Variants in LDAH observed in about 807,000 individuals in gnomAD.
LDAH encodes lipid droplet associated hydrolase.
In LDAH, 26 loss-of-function variants were observed where a neutral mutation model predicts 29.6. The ratio of observed to expected loss-of-function variants is 0.88; its 90% CI spans 0.64 to 1.22. LDAH has a LOEUF of 1.22. Ranked by LOEUF, LDAH falls within the 50% of genes most tolerant of loss-of-function variation. The pLI is 0.00. For missense variants in LDAH, 344 were observed against 387.3 expected, an observed-to-expected ratio of 0.89 and a Z score of 0.94; for synonymous variants, 117 against 133.0, an observed-to-expected ratio of 0.88 and a Z score of 0.83.
intron 1 of LDAH, among the ~76,000 whole-genome samples, chr2:20,816,946 T>C (rs1331351975): frequency 1.3e-5 from 2 of 151,942 alleles, no homozygotes; most frequent in African/African-American, 2.4e-5. Flanking sequence ...GGAAACTAAA[T>C]GACACACTCC....
intron 3 of LDAH, among the ~76,000 whole-genome samples, chr2:20,784,450 G>A (rs2125052276): frequency 6.6e-6 from 1 of 152,002 alleles, no homozygotes; most frequent in South Asian, 2.1e-4. Flanking sequence ...TGAATTAATA[G>A]CTATCATATT....
rs1662576781 is a variant in LDAH, at chr2:20,686,680, G to A, written c.*223C>T. 1 of 418,618 alleles carries A rather than the reference G, an allele frequency of 2.4e-6. No individual in the cohort carries two copies. Among genetic ancestry groups the A allele is most frequent in the African/African-American group, 2.0e-5 (1 of 49,224 alleles). The allele number at this position is 418,618 out of a possible 1,614,324, so 25.9% of individuals were successfully genotyped here. A position where few individuals can be genotyped will look rare whatever the true frequency, so the allele number is the denominator to read the frequency against. On this transcript the variant is annotated 3_prime_UTR_variant, in exon 7 of 7. Transcript: ENST00000237822. ...CACAAGACTCTGTGTAGATCACTGT[G>A]TTCCCTGAGTCTTGGAAAATGTATG...
At chr2:20,695,941 C>T (rs965008195) in intron 6 of LDAH, among the ~76,000 whole-genome samples, 1 of 152,102 alleles carries the variant, frequency 6.6e-6, no homozygotes, top group Non-Finnish European at 1.5e-5. Flanking sequence ...TCTGGGAGCC[C>T]AGCTCTCCAG....
rs1246798219 is a variant in LDAH at position 20,685,198 on chromosome 2, C to T, written c.*1705G>A. Reference sequence around the variant, plus strand: ...TGCAGACTTTTGAAATATGGAGTAACATTTAAAATAACAGATAAAAGAAAA... The same window carrying T: ...TGCAGACTTTTGAAATATGGAGTAATATTTAAAATAACAGATAAAAGAAAA... On this transcript the variant is annotated 3_prime_UTR_variant, in exon 7 of 7. Coordinates refer to ENST00000237822, the MANE Select transcript of LDAH (RefSeq NM_021925.4). 1 of 473,610 alleles carries T rather than the reference C, an allele frequency of 2.1e-6. No individual in the cohort carries two copies. The highest frequency in any genetic ancestry group is 3.6e-6 in the Non-Finnish European group (1 of 274,182). The allele number at this position is 473,610 out of a possible 1,614,324, so 29.3% of individuals were successfully genotyped here.
downstream of LDAH, among the ~76,000 whole-genome samples, chr2:20,682,703 T>C (rs572442446): frequency 3.9e-5 from 6 of 152,324 alleles, 1 homozygote; most frequent in South Asian, 1.2e-3. Context: ...AGGGCCCTCA[T>C]GACTCAGACA....
At chr2:20,787,948 A>G (rs1670670436) in intron 3 of LDAH, among the ~76,000 whole-genome samples, 1 of 152,202 alleles carries the variant, frequency 6.6e-6, no homozygotes, top group African/African-American at 2.4e-5. Context: ...ATTCATTGAA[A>G]AATCTCATCT....
intron 6 of LDAH, among the ~76,000 whole-genome samples, chr2:20,692,745 C>T (rs1663128557): frequency 6.6e-6 from 1 of 152,134 alleles, no homozygotes. Flanking sequence ...AGAAATCCAG[C>T]TTGATGAGCC....
At chr2:20,736,180 G>A (rs1159284266) in intron 5 of LDAH, among the ~76,000 whole-genome samples, 6 of 152,146 alleles carry the variant, frequency 3.9e-5, no homozygotes, top group Non-Finnish European at 7.4e-5. Flanking sequence ...GGTGGCTCAC[G>A]CCTGTAATCC....
intron 6 of LDAH, among the ~76,000 whole-genome samples, chr2:20,690,320 A>C (rs903987194): frequency 1.3e-5 from 2 of 152,208 alleles, no homozygotes; most frequent in African/African-American, 4.8e-5. Context: ...AGACAGCAGA[A>C]CAGTGAGGAG....
chr2:20,767,912 G>C (rs536048902), intron 4 of LDAH, among the ~76,000 whole-genome samples: 2 of 152,210 alleles, frequency 1.3e-5, no homozygotes, highest in African/African-American at 4.8e-5. Flanking sequence ...TGCCTGCACA[G>C]AGAAGCCACC....
intron 5 of LDAH, among the ~76,000 whole-genome samples, chr2:20,735,387 C>T (rs1424572244): frequency 1.3e-5 from 2 of 151,744 alleles, no homozygotes; most frequent in African/African-American, 2.4e-5. Flanking sequence ...TCCTCTTTGT[C>T]TCCTCATTTT....
At chr2:20,688,671 C>T (rs965636008) in intron 6 of LDAH, among the ~76,000 whole-genome samples, 1 of 151,948 alleles carries the variant, frequency 6.6e-6, no homozygotes, top group Non-Finnish European at 1.5e-5. Context: ...AAAACAATGG[C>T]CTTCATTACA....
chr2:20,788,490 C>A (rs1314563726), intron 3 of LDAH, among the ~76,000 whole-genome samples: 2 of 152,118 alleles, frequency 1.3e-5, no homozygotes, highest in Admixed American at 1.3e-4. Context: ...TCAAAGAGTA[C>A]AGGCTTTTGT....
chr2:20,803,949 T>C (rs949383363), intron 1 of LDAH, among the ~76,000 whole-genome samples: 1 of 152,196 alleles, frequency 6.6e-6, no homozygotes, highest in African/African-American at 2.4e-5. Flanking sequence ...CATGTGTCTG[T>C]GCAAATTTTT....
intron 5 of LDAH, among the ~76,000 whole-genome samples, chr2:20,721,459 G>A (rs921171777): frequency 4.6e-5 from 7 of 151,830 alleles, no homozygotes; most frequent in African/African-American, 1.2e-4. Flanking sequence ...GGTGATGGGT[G>A]GACCAAAATC....
chr2:20,683,624 T>C (rs1662375262), downstream of LDAH, among the ~76,000 whole-genome samples: 1 of 152,186 alleles, frequency 6.6e-6, no homozygotes, highest in East Asian at 1.9e-4. Context: ...TGAGCAAGTG[T>C]TATCCCTGCG....
In LDAH at chr2:20,760,563, G is replaced by A. The variant is rs182191590; in HGVS notation, c.468+14247C>T. Among the ~76,000 whole-genome samples the A allele has an allele frequency of 1.4e-4, 22 of 152,342 alleles. No homozygotes were observed. The East Asian group carries it at 3.7e-3, about 25-fold the overall frequency. On this transcript the variant is annotated intron_variant, in intron 4 of 6. Transcript: ENST00000237822. The stretch of plus-strand genomic sequence containing the variant: ...CTGGGGAAGGATACAAATCACTAAG[G>A]TTGTGGAGAGGATTCAGTTCTTTGT...
At chr2:20,705,868 C>T (rs924273240) in intron 5 of LDAH, among the ~76,000 whole-genome samples, 3 of 151,714 alleles carry the variant, frequency 2.0e-5, no homozygotes, top group African/African-American at 7.3e-5. Flanking sequence ...ATAGTTATAC[C>T]GCATATGAAA....
At position 20,710,606 on chromosome 2, in the gene LDAH, G is replaced by GTGTGTGTGTGTA. The variant is rs1467950593; in HGVS notation, c.704-8955_704-8954insTACACACACACA. 3.0e-5 allele frequency among the ~76,000 whole-genome samples: 4 copies of GTGTGTGTGTGTA among 131,868 alleles called. No homozygotes were observed. The South Asian group carries it at 1.0e-3, about 34-fold the overall frequency. 86.5% of individuals were successfully genotyped at this position (131,868 alleles called of 152,430 possible). ...TAGGGGTGTGTGTGTGTGTGTGTGT[G>GTGTGTGTGTGTA]TATATATATATATAGATATATATAT... On this transcript the variant is annotated intron_variant, in intron 5 of 6. Coordinates refer to ENST00000237822, the MANE Select transcript of LDAH (RefSeq NM_021925.4).
Sources: gnomAD v4.1 joint callset for allele counts (sites outside exome capture counted in the v4.1 genomes callset) on GRCh38, gnomAD v4.1.1 for gene constraint, MANE v1.5 for transcripts, NCBI Gene and HGNC (gene_info 2026-07-23, HGNC 2026-07-21) for gene names.